CEP128: variants seen among roughly 807,000 people sequenced by gnomAD.
The protein encoded by CEP128 is centrosomal protein 128kDa.
A neutral mutation model predicts 156.7 loss-of-function variants in CEP128; 132 were observed. The ratio of observed to expected loss-of-function variants is 0.84; its 90% CI spans 0.73 to 0.97. CEP128 has a LOEUF of 0.97. Among genes scored for constraint, CEP128 ranks in the 50% least tolerant of loss-of-function variants. The probability of loss-of-function intolerance (pLI) is 0.00; values close to 1 mark genes in which losing one functional copy is unlikely to be tolerated. For synonymous variants in CEP128, 469 were observed against 448.9 expected (o/e 1.04, Z -0.57); for missense variants, 1,252 against 1,281.9 (o/e 0.98, Z 0.36).
chr14:80,849,089 A>G (rs1428394063), intron 9 of CEP128, among the ~76,000 whole-genome samples: 1 of 152,216 alleles, frequency 6.6e-6, no homozygotes, highest in Non-Finnish European at 1.5e-5. Flanking sequence ...ATTTAAAAAA[A>G]TATTTTTTAA....
chr14:80,851,829 T>C (rs149653329), intron 9 of CEP128, among the ~76,000 whole-genome samples: 20 of 152,120 alleles, frequency 1.3e-4, no homozygotes, highest in African/African-American at 4.1e-4. Flanking sequence ...GAAAATGATA[T>C]GCCATGAATA....
chr14:80,934,072 G>A (rs1257765571), intron 2 of CEP128, among the ~76,000 whole-genome samples: 1 of 152,170 alleles, frequency 6.6e-6, no homozygotes, highest in Non-Finnish European at 1.5e-5. Flanking sequence ...AGAGTCCTAT[G>A]CAACCACCAG....
chr14:80,824,807 C>T (rs1885379716), intron 13 of CEP128, among the ~76,000 whole-genome samples: 1 of 152,208 alleles, frequency 6.6e-6, no homozygotes, highest in Non-Finnish European at 1.5e-5. Flanking sequence ...CCAACCCCTG[C>T]CTGTTACCCA....
intron 19 of CEP128, among the ~76,000 whole-genome samples, chr14:80,679,323 A>C (rs1177657847): frequency 6.6e-6 from 1 of 152,172 alleles, no homozygotes; most frequent in Non-Finnish European, 1.5e-5. Flanking sequence ...AGCGCCTATA[A>C]ACAGACATGC....
rs1460613810 is a variant in CEP128, at chr14:80,497,090, T to C, written c.*389A>G. On this transcript the variant is annotated 3_prime_UTR_variant, in exon 25 of 25. Coordinates refer to ENST00000555265, the MANE Select transcript of CEP128 (RefSeq NM_152446.5). ...TAAATGCTCCCTGAATCTAAAGTGC[T>C]GGCAACTTTTGCCTCAAGGGAAACT... 5.9e-6 allele frequency: 1 copy of C among 169,870 alleles called. No individual in the cohort carries two copies. Among genetic ancestry groups the C allele is most frequent in the Non-Finnish European group, 1.2e-5 (1 of 80,242 alleles). The allele number at this position is 169,870 out of a possible 1,614,324, so 10.5% of individuals were successfully genotyped here.
At position 80,521,194 on chromosome 14, in the gene CEP128, T is replaced by C. The variant is rs540434082; in HGVS notation, c.3072+5675A>G. Among the ~76,000 whole-genome samples the C allele has an allele frequency of 2.6e-5, 4 of 152,150 alleles. No homozygotes were observed. In the South Asian group the frequency reaches 6.2e-4, roughly 24 times the overall value. ...TTGTTTGGATGAATATATTATGATG[T>C]TTGTTAAAAACTAATAAATTTAATT... On this transcript the variant is annotated intron_variant, in intron 23 of 24. Transcript: ENST00000555265.
intron 21 of CEP128, among the ~76,000 whole-genome samples, chr14:80,542,147 A>G (rs1281231657): frequency 1.3e-5 from 2 of 152,144 alleles, no homozygotes; most frequent in African/African-American, 4.8e-5. Context: ...AGTATTTCCT[A>G]TGTGTATATG....
chr14:80,505,519 A>T (rs1468031522), intron 23 of CEP128, among the ~76,000 whole-genome samples: 1 of 152,194 alleles, frequency 6.6e-6, no homozygotes, highest in Admixed American at 6.5e-5. Context: ...AATTCTTATG[A>T]AAAAATACTG....
intron 15 of CEP128, among the ~76,000 whole-genome samples, chr14:80,779,533 A>G (rs1046773364): frequency 2.0e-5 from 3 of 152,336 alleles, no homozygotes; most frequent in Admixed American, 6.5e-5. Flanking sequence ...GTAAATACAA[A>G]GAATTCCCCC....
intron 19 of CEP128, among the ~76,000 whole-genome samples, chr14:80,722,821 C>CTTTT (rs142796338): frequency 3.8e-5 from 4 of 103,974 alleles, no homozygotes; most frequent in East Asian, 2.9e-4. Context: ...TACTCTTTAT[C>CTTTT]TTTTTTTTTT....
chr14:80,710,739 A>G (rs914108884), intron 19 of CEP128, among the ~76,000 whole-genome samples: 1 of 152,090 alleles, frequency 6.6e-6, no homozygotes, highest in Non-Finnish European at 1.5e-5. Flanking sequence ...CATTCTATTG[A>G]CTTTAATTGG....
intron 13 of CEP128, chr14:80,822,517 C>G: frequency 1.6e-6 from 1 of 637,458 alleles, no homozygotes. Flanking sequence ...TACATCCTGC[C>G]GCCACCATGC....
At chr14:80,907,053 G>A (rs1883922967) in intron 4 of CEP128, among the ~76,000 whole-genome samples, 1 of 152,124 alleles carries the variant, frequency 6.6e-6, no homozygotes, top group Admixed American at 6.5e-5. Context: ...CACCATTTAC[G>A]GGGAGAACAA....
rs972620256 is a variant in CEP128 at position 80,764,217 on chromosome 14, G to A, written c.2377-2604C>T. Among the ~76,000 whole-genome samples the A allele has an allele frequency of 2.6e-5, 4 of 152,088 alleles. No individual in the cohort carries two copies. In the East Asian group the frequency reaches 5.8e-4, roughly 22 times the overall value. On this transcript the variant is annotated intron_variant, in intron 16 of 24. Transcript: ENST00000555265. Reference sequence around the variant, plus strand: ...GAAAACATAGAAAATTTCATTATCCGGCCGGGCGCGGTGGCTCACGCCTGT... The same window carrying A: ...GAAAACATAGAAAATTTCATTATCCAGCCGGGCGCGGTGGCTCACGCCTGT...
At chr14:80,749,331 C>T (rs1357805120) in intron 18 of CEP128, among the ~76,000 whole-genome samples, 2 of 152,218 alleles carry the variant, frequency 1.3e-5, no homozygotes, top group Non-Finnish European at 2.9e-5. Flanking sequence ...TGCGCTCCCA[C>T]ATTTGTTGTG....
At chr14:80,527,370 A>T (rs546633765) in intron 22 of CEP128, 6 of 282,632 alleles carry the variant, frequency 2.1e-5, no homozygotes, top group Non-Finnish European at 3.7e-5. Context: ...CAGGAGGCAG[A>T]GGTTGCAGTG....
chr14:80,601,277 T>C (rs1782265276), intron 19 of CEP128, among the ~76,000 whole-genome samples: 1 of 152,118 alleles, frequency 6.6e-6, no homozygotes, highest in Non-Finnish European at 1.5e-5. Context: ...TAGGGATGTG[T>C]TCTGAGAAGT....
chr14:80,916,628 A>G (rs997568170), intron 2 of CEP128, 66 bp from the exon 3 acceptor site: 15 of 1,279,988 alleles, frequency 1.2e-5, no homozygotes, highest in Non-Finnish European at 1.6e-5. Flanking sequence ...AGACTAATAC[A>G]ACAGTTTACT....
chr14:80,687,351 G>A (rs150141702), intron 19 of CEP128, among the ~76,000 whole-genome samples: 1 of 152,156 alleles, frequency 6.6e-6, no homozygotes, highest in African/African-American at 2.4e-5. Context: ...ATAGTGGACT[G>A]GATAAAGAAA....
Sources: allele counts gnomAD v4.1 joint callset (sites outside exome capture counted in the v4.1 genomes callset), GRCh38; gene constraint gnomAD v4.1.1; transcripts MANE v1.5; gene names NCBI Gene and HGNC (gene_info 2026-07-23, HGNC 2026-07-21).